Variants in VDAC3 observed in about 807,000 individuals in gnomAD.
VDAC3 encodes the protein voltage dependent anion channel 3.
Under a neutral mutation model 33.9 loss-of-function variants are expected in VDAC3, and 7 were observed. That is an observed-to-expected ratio of 0.21 (90% CI 0.12 to 0.39). The LOEUF (loss-of-function observed/expected upper bound fraction) is 0.39. Ranked by LOEUF, VDAC3 falls within the 10% of genes least tolerant of loss-of-function variation. VDAC3 has a pLI of 1.00. For missense variants in VDAC3, 261 were observed against 334.5 expected (o/e 0.78, Z 1.71); for synonymous variants, 100 against 122.4 (o/e 0.82, Z 1.21).
At position 42,404,907 on chromosome 8, in the gene VDAC3, C is replaced by T. The variant is rs753489348; in HGVS notation, c.743C>T (p.Thr248Ile). 10 of 1,613,472 alleles carry T rather than the reference C, an allele frequency of 6.2e-6. No individual in the cohort carries two copies. Among genetic ancestry groups the T allele is most frequent in the Non-Finnish European group, 7.6e-6 (9 of 1,179,742 alleles). The stretch of plus-strand genomic sequence containing the variant: ...GCCAGCCTGATTGGACTGGGTTATA[C>T]TCAGACCCTTCGACCAGGTAAGTAA... Reference protein sequence around the residue: ...NNASLIGLGYTQTLRPGVKLT... With the variant: ...NNASLIGLGYIQTLRPGVKLT... Residue 248 changes from threonine to isoleucine, a missense_variant, in exon 9 of 10, where the codon ACT becomes ATT. Physicochemically the swap from Thr to Ile is moderately conservative, Grantham distance 89. Coordinates refer to ENST00000022615, the MANE Select transcript of VDAC3 (RefSeq NM_005662.7).
At position 42,405,421 on chromosome 8, in the gene VDAC3, G is replaced by A; in HGVS notation, c.811G>A (p.Gly271Arg). 1 of 1,612,636 alleles carries A rather than the reference G, an allele frequency of 6.2e-7. No individual in the cohort carries two copies. ...AATCGATGGGAAGAACTTCAGTGCAGGAGGTCACAAGGTTGGCTTGGGATT... is the reference window on the plus strand; with the variant it reads ...AATCGATGGGAAGAACTTCAGTGCAAGAGGTCACAAGGTTGGCTTGGGATT... ...ALIDGKNFSAGGHKVGLGFEL... is the reference protein window; with the variant it reads ...ALIDGKNFSARGHKVGLGFEL... The change falls in exon 10 of 10, where the codon GGA (glycine) becomes AGA (arginine). Residue 271 changes from glycine (G) to arginine (R), a missense_variant. Transcript: ENST00000022615.
intron 9 of VDAC3, 69 bp downstream of exon 9, chr8:42,404,993 G>T: frequency 7.0e-7 from 1 of 1,427,132 alleles, no homozygotes; most frequent in Non-Finnish European, 9.8e-7. Flanking sequence ...AAAATAACCT[G>T]CAGAACAACC....
At chr8:42,401,660 T>C (rs1802415789) in intron 6 of VDAC3, 128 bp from the exon 7 acceptor site, 9 of 801,486 alleles carry the variant, frequency 1.1e-5, no homozygotes, top group Non-Finnish European at 1.8e-5. Context: ...TTACTATATA[T>C]GTGGCATGTA....
chr8:42,397,963 A>T (rs934271381), intron 4 of VDAC3, among the ~76,000 whole-genome samples: 19 of 106,516 alleles, frequency 1.8e-4, no homozygotes, highest in African/African-American at 1.8e-3. Context: ...AAAAAAAAAC[A>T]TTTTTAAAAG....
intron 2 of VDAC3, 37 bp from the exon 3 acceptor site, chr8:42,394,173 G>C: frequency 6.4e-7 from 1 of 1,568,952 alleles, no homozygotes; most frequent in Non-Finnish European, 8.8e-7. Context: ...ATACTAAATG[G>C]TTATTTTTAT....
Position 42,394,298 on chromosome 8 carries a change from T to C in VDAC3, c.67+20T>C, listed in dbSNP as rs1314134299. Reference sequence around the variant, plus strand: ...GATATGGTAAGTATGCTATTGTAACTTTCCAGTTTGGGGTAAAGGTTAGTG... The same window carrying C: ...GATATGGTAAGTATGCTATTGTAACCTTCCAGTTTGGGGTAAAGGTTAGTG... On this transcript the variant is annotated intron_variant, in intron 3 of 9. Coordinates refer to ENST00000022615, the MANE Select transcript of VDAC3 (RefSeq NM_005662.7). 6.2e-7 allele frequency: 1 copy of C among 1,608,736 alleles called. No homozygotes were observed. The highest frequency in any genetic ancestry group is 1.1e-5 in the South Asian group (1 of 90,656).
intron 1 of VDAC3, among the ~76,000 whole-genome samples, chr8:42,392,385 C>A (rs1167762732): frequency 3.3e-5 from 5 of 151,858 alleles, no homozygotes. Flanking sequence ...CAGTAGCAAC[C>A]GGCTTAACGC....
At chr8:42,395,753 T>A (rs1172046872) in intron 4 of VDAC3, among the ~76,000 whole-genome samples, 103 of 124,652 alleles carry the variant, frequency 8.3e-4, no homozygotes, top group Middle Eastern at 5.3e-3. Flanking sequence ...AGGTCAGGAG[T>A]TCGAGACCAG....
chr8:42,401,141 T>C (rs1205375864), intron 6 of VDAC3, among the ~76,000 whole-genome samples: 1 of 152,256 alleles, frequency 6.6e-6, no homozygotes, highest in Non-Finnish European at 1.5e-5. Flanking sequence ...TTTGGCTTCT[T>C]GTACGTCTGT....
At chr8:42,402,688 G>A (rs1372759112) in intron 7 of VDAC3, among the ~76,000 whole-genome samples, 1 of 152,206 alleles carries the variant, frequency 6.6e-6, no homozygotes, top group Non-Finnish European at 1.5e-5. Flanking sequence ...TCTGCTAGAT[G>A]CTCTAATTTA....
At chr8:42,394,311 G>T in intron 3 of VDAC3, 33 bp downstream of exon 3, 1 of 1,587,400 alleles carries the variant, frequency 6.3e-7, no homozygotes, top group African/African-American at 1.3e-5. Flanking sequence ...CCAGTTTGGG[G>T]TAAAGGTTAG....
At chr8:42,395,466 T>A (rs1398915992) in intron 4 of VDAC3, among the ~76,000 whole-genome samples, 1 of 152,262 alleles carries the variant, frequency 6.6e-6, no homozygotes, top group Non-Finnish European at 1.5e-5. Flanking sequence ...CATGGAAATT[T>A]TATTACCCTT....
At position 42,405,565 on chromosome 8, in the gene VDAC3, CTT is replaced by C; in HGVS notation, c.*107_*108del. 1 of 970,736 alleles carries C rather than the reference CTT, an allele frequency of 1.0e-6. No homozygotes were observed. Among genetic ancestry groups the C allele is most frequent in the Non-Finnish European group, 1.6e-6 (1 of 632,646 alleles). 60.1% of individuals were successfully genotyped at this position (970,736 alleles called of 1,614,324 possible). On this transcript the variant is annotated 3_prime_UTR_variant, in exon 10 of 10. Coordinates refer to ENST00000022615, the MANE Select transcript of VDAC3 (RefSeq NM_005662.7). ...TTCTGTGAAATTTCAAAAGTGTGAA[CTT>C]TTTATTCTTCCAAAGAATTGTAATC... is the stretch of plus-strand genomic sequence containing the variant.
rs878902511 is a variant in VDAC3, at chr8:42,404,722, C to CAAA, written c.703-127_703-125dup. 2.9e-3 allele frequency: 1,016 copies of CAAA among 354,588 alleles called. 8 individuals are homozygous for CAAA. The highest frequency in any genetic ancestry group is 0.022 in the African/African-American group (680 of 31,436). The allele number at this position is 354,588 out of a possible 1,614,324, so 22.0% of individuals were successfully genotyped here. ...GGGTGACAAGAACAAAACTTCATCT[C>CAAA]AAAAAAAAAAAAAAAAAAAATCAGT... On this transcript the variant is annotated intron_variant, in intron 8 of 9. Transcript: ENST00000022615.
chr8:42,403,536 G>A (rs1024964855), intron 8 of VDAC3, 75 bp downstream of exon 8: 238 of 1,404,998 alleles, frequency 1.7e-4, no homozygotes, highest in Non-Finnish European at 2.2e-4. Context: ...TGATATGAGT[G>A]TAGTTTGCTT....
chr8:42,403,877 C>CA (rs56769990), intron 8 of VDAC3, among the ~76,000 whole-genome samples: 14,746 of 88,534 alleles, frequency 0.17, 2,253 homozygotes, highest in African/African-American at 0.42. Flanking sequence ...GAGCCTATCT[C>CA]AAAAAAAAAA....
At chr8:42,401,221 C>T (rs973490647) in intron 6 of VDAC3, among the ~76,000 whole-genome samples, 5 of 151,678 alleles carry the variant, frequency 3.3e-5, no homozygotes, top group Admixed American at 2.0e-4. Context: ...TCTTTTGAGA[C>T]GAGTCTCGCT....
At chr8:42,398,971 G>T in intron 5 of VDAC3, 107 bp downstream of exon 5, 1 of 1,342,770 alleles carries the variant, frequency 7.4e-7, no homozygotes. Context: ...CTATCTAGTA[G>T]CCATATTTTT....
At chr8:42,404,724 A>T in intron 8 of VDAC3, 143 bp from the exon 9 acceptor site, 1 of 271,480 alleles carries the variant, frequency 3.7e-6, no homozygotes, top group East Asian at 1.0e-4. Context: ...CTTCATCTCA[A>T]AAAAAAAAAA....
Sources: gnomAD v4.1 joint callset for allele counts (sites outside exome capture counted in the v4.1 genomes callset) on GRCh38, gnomAD v4.1.1 for gene constraint, MANE v1.5 for transcripts, NCBI Gene and HGNC (gene_info 2026-07-23, HGNC 2026-07-21) for gene names.